WDR31: variants seen among roughly 807,000 people sequenced by gnomAD.
WDR31 encodes the protein WD repeat domain 31, also known as WD repeat-containing protein 31.
Under a neutral mutation model 47.3 loss-of-function variants are expected in WDR31, and 30 were observed. The ratio of observed to expected loss-of-function variants is 0.63; its 90% CI spans 0.47 to 0.86. WDR31 has a LOEUF of 0.86. WDR31 is among the 40% of genes least tolerant of loss of function. The pLI, the probability that WDR31 is intolerant of heterozygous loss-of-function variation, is 0.00. For missense variants in WDR31, 406 were observed against 442.9 expected (o/e 0.92, Z 0.75); for synonymous variants, 137 against 159.4 (o/e 0.86, Z 1.06).
chr9:113,334,703 C>CTTTTTTTTTTTTT (rs71367719), intron 2 of WDR31, among the ~76,000 whole-genome samples: 152 of 63,022 alleles, frequency 2.4e-3, no homozygotes, highest in South Asian at 3.0e-3. Context: ...CTACATCAGG[C>CTTTTTTTTTTTTT]TTTTTTTTTT....
At chr9:113,337,016 C>A (rs929676590) in intron 1 of WDR31, among the ~76,000 whole-genome samples, 26 of 152,188 alleles carry the variant, frequency 1.7e-4, no homozygotes, top group African/African-American at 5.8e-4. Flanking sequence ...ATTTTAATAA[C>A]TCAATTTTAA....
At chr9:113,335,985 A>G (rs949745816) in intron 2 of WDR31, among the ~76,000 whole-genome samples, 28 of 152,364 alleles carry the variant, frequency 1.8e-4, no homozygotes, top group Admixed American at 3.3e-4. Flanking sequence ...AGGATTTTCT[A>G]TAAGAGGCCA....
chr9:113,316,976 T>C, intron 10 of WDR31, 67 bp from the exon 11 acceptor site: 1 of 1,546,320 alleles, frequency 6.5e-7, no homozygotes, highest in Admixed American at 1.9e-5. Flanking sequence ...GATGTCTTCA[T>C]GAGAAATGCA....
In WDR31 at chr9:113,323,101, C is replaced by T; in HGVS notation, c.379G>A (p.Val127Ile). ...GAACCGTGCAAGTCCCACATCATGA[C>T]CATCCTGTCACGAGAGGCACTGAAG... is the stretch of plus-strand genomic sequence containing the variant. ...QFFSASRDRM[V>I]MMWDLHGSSQ... Residue 127 changes from valine to isoleucine, a missense_variant, in exon 6 of 11, where the codon GTC becomes ATC. By Grantham distance (29) the Val-to-Ile change is conservative (BLOSUM62 3). Coordinates refer to ENST00000374193, the MANE Select transcript of WDR31 (RefSeq NM_001012361.4). 6.2e-7 allele frequency: 1 copy of T among 1,614,176 alleles called. No homozygotes were observed. Among genetic ancestry groups the T allele is most frequent in the Non-Finnish European group, 8.5e-7 (1 of 1,180,042 alleles).
intron 5 of WDR31, among the ~76,000 whole-genome samples, chr9:113,325,780 C>G (rs977571906): frequency 1.3e-5 from 2 of 151,930 alleles, no homozygotes; most frequent in African/African-American, 2.4e-5. Context: ...CTTCTCATAG[C>G]CCTCGTTTTG....
rs1478395962 is a variant in WDR31 at position 113,315,676 on chromosome 9, T to G, written c.*1073A>C. The G allele has an allele frequency of 2.6e-5, 4 of 151,822 alleles. No individual in the cohort carries two copies. The highest frequency in any genetic ancestry group is 6.6e-5 in the Admixed American group (1 of 15,232). The allele number at this position is 151,822 out of a possible 1,614,324, so 9.4% of individuals were successfully genotyped here. Reference sequence around the variant, plus strand: ...TTCCTGTATGTGGTTTTTTGTTTTTTTTTTTTTCAAGACAAGGTCTCATTC... The same window carrying G: ...TTCCTGTATGTGGTTTTTTGTTTTTGTTTTTTTCAAGACAAGGTCTCATTC... On this transcript the variant is annotated 3_prime_UTR_variant, in exon 11 of 11. Coordinates refer to ENST00000374193, the MANE Select transcript of WDR31 (RefSeq NM_001012361.4).
At chr9:113,329,747 G>A (rs1833552969) in intron 4 of WDR31, among the ~76,000 whole-genome samples, 1 of 152,068 alleles carries the variant, frequency 6.6e-6, no homozygotes, top group South Asian at 2.1e-4. Flanking sequence ...GCTGAGGCGG[G>A]CGGATCACCT....
At chr9:113,332,327 A>G (rs570293606) in intron 2 of WDR31, among the ~76,000 whole-genome samples, 2 of 152,374 alleles carry the variant, frequency 1.3e-5, no homozygotes, top group East Asian at 1.9e-4. Flanking sequence ...CAGATGTTCA[A>G]ACAAAAATTT....
At chr9:113,330,354 GC>G (rs1833570251) in intron 4 of WDR31, among the ~76,000 whole-genome samples, 1 of 152,184 alleles carries the variant, frequency 6.6e-6, no homozygotes, top group Admixed American at 6.5e-5. Context: ...GCCTGCCTTG[GC>G]CTCCCAAAGT....
At chr9:113,331,795 G>T in intron 3 of WDR31, 112 bp downstream of exon 3, 2 of 946,210 alleles carry the variant, frequency 2.1e-6, no homozygotes, top group Non-Finnish European at 3.2e-6. Flanking sequence ...TTCAGGGAAG[G>T]CCAACTATTC....
At position 113,314,690 on chromosome 9, in the gene WDR31, C is replaced by G. The variant is rs1833151292; in HGVS notation, c.*2059G>C. 1 of 152,340 alleles carries G rather than the reference C, an allele frequency of 6.6e-6. No homozygotes were observed. Among genetic ancestry groups the G allele is most frequent in the Non-Finnish European group, 1.5e-5 (1 of 68,244 alleles). 9.4% of individuals were successfully genotyped at this position (152,340 alleles called of 1,614,324 possible). A position where few individuals can be genotyped will look rare whatever the true frequency, so the allele number is the denominator to read the frequency against. ...AGTGCAATGGCACAATCTCGGCTCA[C>G]CGCAACCTCCGCCTCCTGGGTTCAA... On this transcript the variant is annotated 3_prime_UTR_variant, in exon 11 of 11. Coordinates refer to ENST00000374193, the MANE Select transcript of WDR31 (RefSeq NM_001012361.4).
chr9:113,331,779 A>G (rs1225818965), intron 3 of WDR31, 128 bp downstream of exon 3: 5 of 798,340 alleles, frequency 6.3e-6, no homozygotes, highest in African/African-American at 3.5e-5. Flanking sequence ...AAAACACACT[A>G]AACTATTCAG....
intron 10 of WDR31, 63 bp downstream of exon 10, chr9:113,318,412 G>A: frequency 6.3e-7 from 1 of 1,595,140 alleles, no homozygotes; most frequent in South Asian, 1.1e-5. Flanking sequence ...GGAAGAAGGA[G>A]TTTTAAAGAA....
intron 4 of WDR31, 98 bp downstream of exon 4, chr9:113,330,886 C>A (rs1274764593): frequency 1.5e-6 from 2 of 1,373,608 alleles, no homozygotes; most frequent in African/African-American, 1.4e-5. Context: ...TTACACTTGT[C>A]AACCCTGCTC....
intron 5 of WDR31, among the ~76,000 whole-genome samples, chr9:113,326,409 G>A (rs571807357): frequency 7.7e-5 from 10 of 129,894 alleles, no homozygotes; most frequent in South Asian, 2.5e-4. Flanking sequence ...CCTTCTTTCC[G>A]TCCTTCTTTC....
At chr9:113,316,969 G>A in intron 10 of WDR31, 60 bp from the exon 11 acceptor site, 1 of 1,554,208 alleles carries the variant, frequency 6.4e-7, no homozygotes, top group Non-Finnish European at 8.8e-7. Context: ...GAAATGTGAT[G>A]TCTTCATGAG....
intron 2 of WDR31, among the ~76,000 whole-genome samples, chr9:113,334,203 G>A (rs1338270882): frequency 1.3e-5 from 2 of 151,772 alleles, no homozygotes; most frequent in Non-Finnish European, 2.9e-5. Flanking sequence ...ACGGGGTTTC[G>A]CCAACTCCTG....
intron 8 of WDR31, among the ~76,000 whole-genome samples, chr9:113,320,710 C>A (rs543935903): frequency 6.6e-6 from 1 of 152,326 alleles, no homozygotes; most frequent in South Asian, 2.1e-4. Context: ...CATCTGAGTT[C>A]TTTCTATTTT....
chr9:113,339,411 C>T (rs1833782449), intron 1 of WDR31, among the ~76,000 whole-genome samples: 1 of 152,166 alleles, frequency 6.6e-6, no homozygotes, highest in East Asian at 1.9e-4. Flanking sequence ...CCCCAAATCT[C>T]CCTCTGCACA....
Sources: gnomAD v4.1 joint callset for allele counts (sites outside exome capture counted in the v4.1 genomes callset) on GRCh38, gnomAD v4.1.1 for gene constraint, MANE v1.5 for transcripts, NCBI Gene and HGNC (gene_info 2026-07-23, HGNC 2026-07-21) for gene names.